DIP2A: variants seen among roughly 807,000 people sequenced by gnomAD.
DIP2A encodes the protein disco-interacting protein 2 homolog A.
In DIP2A, 85 loss-of-function variants were observed where a neutral mutation model predicts 177.4. The ratio of observed to expected loss-of-function variants is 0.48; its 90% confidence interval spans 0.40 to 0.57. DIP2A has a LOEUF of 0.57. DIP2A is among the 20% of genes least tolerant of loss of function. DIP2A has a pLI of 0.00. For synonymous variants in DIP2A, 886 were observed against 881.8 expected, an observed-to-expected ratio of 1.00 and a Z score of -0.08; for missense variants, 1,791 against 2,100.2, an observed-to-expected ratio of 0.85 and a Z score of 2.88.
chr21:46,543,431 T>A (rs1418538834), intron 18 of DIP2A, among the ~76,000 whole-genome samples: 1 of 151,426 alleles, frequency 6.6e-6, no homozygotes. Flanking sequence ...GCAGCACACC[T>A]CCTCCCCCGG....
Position 46,556,183 on chromosome 21 carries a change from CCTT to C in DIP2A, c.3498+96_3498+98del, listed in dbSNP as rs1194577298. 1.6e-5 allele frequency: 22 copies of C among 1,395,264 alleles called. No homozygotes were observed. In the Admixed American group the frequency reaches 1.6e-4, roughly 10 times the overall value. The allele number at this position is 1,395,264 out of a possible 1,614,324, so 86.4% of individuals were successfully genotyped here. ...CAGATGCAGATTTAAACTGACAGGT[CCTT>C]CTTATGCAAAGCACAAAGCAACAAT... On this transcript the variant is annotated intron_variant, in intron 29 of 37. Coordinates refer to ENST00000417564, the MANE Select transcript of DIP2A (RefSeq NM_015151.4). The surrounding 1 kb of genome is among the most constrained non-coding windows in gnomAD (Gnocchi z 4.5).
the DIP2A span, among the ~76,000 whole-genome samples, chr21:46,581,172 G>T: frequency 1.3e-5 from 2 of 151,934 alleles, no homozygotes; most frequent in Admixed American, 6.6e-5. Context: ...AATCTTGTCT[G>T]CCTGTCTTAT....
intron 20 of DIP2A, chr21:46,546,329 C>T: frequency 9.6e-7 from 1 of 1,038,330 alleles, no homozygotes; most frequent in Non-Finnish European, 1.2e-6. Flanking sequence ...GTGTTTCTCT[C>T]AACTGGGCAA....
At chr21:46,477,239 A>G (rs1205512710) in intron 1 of DIP2A, among the ~76,000 whole-genome samples, 1 of 152,068 alleles carries the variant, frequency 6.6e-6, no homozygotes, top group African/African-American at 2.4e-5. Context: ...TATCAAAACT[A>G]AAGATTTATA....
intron 1 of DIP2A, among the ~76,000 whole-genome samples, chr21:46,459,470 A>AC: frequency 8.9e-6 from 1 of 112,276 alleles, no homozygotes; most frequent in Admixed American, 9.4e-5. Flanking sequence ...CTCATGTGGG[A>AC]CCCCAGCACG....
At chr21:46,471,791 T>C (rs1004244542) in intron 1 of DIP2A, among the ~76,000 whole-genome samples, 2 of 152,216 alleles carry the variant, frequency 1.3e-5, no homozygotes, top group Non-Finnish European at 2.9e-5. Flanking sequence ...GCTAAAATTA[T>C]AGCTGGGAGA....
intron 1 of DIP2A, among the ~76,000 whole-genome samples, chr21:46,482,391 C>T (rs979984358): frequency 3.9e-5 from 6 of 152,190 alleles, no homozygotes; most frequent in South Asian, 2.1e-4. Flanking sequence ...ACATTACTCA[C>T]GTGTTTGTGG....
In DIP2A at chr21:46,484,758, T is replaced by G; in HGVS notation, c.93T>G (p.Gly31=). 1.3e-6 allele frequency: 2 copies of G among 1,566,904 alleles called. No individual in the cohort carries two copies. The highest frequency in any genetic ancestry group is 1.7e-6 in the Non-Finnish European group (2 of 1,157,016). Residue 31 remains glycine (G), a splice_region_variant and synonymous_variant, in exon 2 of 38, where the codon GGT becomes GGG. Coordinates refer to ENST00000417564, the MANE Select transcript of DIP2A (RefSeq NM_015151.4). The part of the protein sequence containing the change: ...LAELELELSE[G]DITQKGYEKK... Reference sequence around the variant, plus strand: ...TTCTTTTTTCCATTGTTGTTTTAGGTGACATCACTCAAAAAGGATATGAAA... The same window carrying G: ...TTCTTTTTTCCATTGTTGTTTTAGGGGACATCACTCAAAAAGGATATGAAA...
intron 6 of DIP2A, among the ~76,000 whole-genome samples, chr21:46,506,673 G>A (rs1358880206): frequency 6.6e-6 from 1 of 151,196 alleles, no homozygotes; most frequent in African/African-American, 2.4e-5. Context: ...TCTCTTGAGG[G>A]AAAGTATCTG....
At chr21:46,470,596 C>T (rs2055276149) in intron 1 of DIP2A, among the ~76,000 whole-genome samples, 1 of 151,786 alleles carries the variant, frequency 6.6e-6, no homozygotes, top group Non-Finnish European at 1.5e-5. Context: ...TATGGTGAAA[C>T]CGTGTTTCTA....
At chr21:46,488,460 T>G (rs2056818330) in intron 2 of DIP2A, among the ~76,000 whole-genome samples, 1 of 152,182 alleles carries the variant, frequency 6.6e-6, no homozygotes, top group Non-Finnish European at 1.5e-5. Flanking sequence ...GCTCTGTATG[T>G]GTACACAGTT....
At chr21:46,521,368 T>C (rs2058816653) in intron 8 of DIP2A, among the ~76,000 whole-genome samples, 1 of 152,166 alleles carries the variant, frequency 6.6e-6, no homozygotes. Context: ...TTTGTATTTT[T>C]AGTAGAGACC....
rs528670931 is a variant in DIP2A at position 46,463,551 on chromosome 21, T to C, written c.91+4329T>C. Among the ~76,000 whole-genome samples the C allele has an allele frequency of 1.5e-3, 233 of 152,274 alleles. 1 individual carries two copies. The South Asian group carries it at 0.021, about 14-fold the overall frequency. The stretch of plus-strand genomic sequence containing the variant: ...TTCTTGATTTCTTATATTCTAACAA[T>C]GCAGGACTTCTAGTCTAGATGGAAT... On this transcript the variant is annotated intron_variant, in intron 1 of 37. Coordinates refer to ENST00000417564, the MANE Select transcript of DIP2A (RefSeq NM_015151.4).
Position 46,551,707 on chromosome 21 carries a change from G to C in DIP2A, c.2913G>C (p.Glu971Asp), listed in dbSNP as rs753699826. Reference sequence around the variant, plus strand: ...GAATCGCTCAGGCTTCCGGGAGAGAGCTCGCCCACCTGGAGGACAGCGACC... The same window carrying C: ...GAATCGCTCAGGCTTCCGGGAGAGACCTCGCCCACCTGGAGGACAGCGACC... ...GKRIAQASGR[E>D]LAHLEDSDQA... The change falls in exon 24 of 38, where the codon GAG becomes GAC. Residue 971 changes from glutamate (E) to aspartate (D), a missense_variant. By Grantham distance (45) the Glu-to-Asp change is conservative. Coordinates refer to ENST00000417564, the MANE Select transcript of DIP2A (RefSeq NM_015151.4). 9.3e-6 allele frequency: 15 copies of C among 1,613,866 alleles called. No homozygotes were observed. The highest frequency in any genetic ancestry group is 1.1e-5 in the Non-Finnish European group (13 of 1,179,894).
chr21:46,515,258 A>G (rs1028034580), intron 8 of DIP2A, among the ~76,000 whole-genome samples: 2 of 152,202 alleles, frequency 1.3e-5, no homozygotes, highest in Non-Finnish European at 2.9e-5. Flanking sequence ...TTCTGTTAGC[A>G]TGGACTTTCC....
chr21:46,554,786 G>GGGGGGGGGGGCCCC, intron 27 of DIP2A, 36 bp from the exon 28 acceptor site: 5 of 1,519,040 alleles, frequency 3.3e-6, no homozygotes, highest in South Asian at 1.2e-5. Context: ...AGCTTGAGAG[G>GGGGGGGGGGGCCCC]CCCCGCCCAC....
rs61370008 is a variant in DIP2A, at chr21:46,523,393, A to ATTTTTTTTTTTTTTTT, written c.1103-5689_1103-5674dup. Among the ~76,000 whole-genome samples the ATTTTTTTTTTTTTTTT allele has an allele frequency of 2.6e-4, 23 of 89,894 alleles. 1 individual carries two copies. The highest frequency in any genetic ancestry group is 4.2e-4 in the African/African-American group (9 of 21,356). The allele number at this position is 89,894 out of a possible 152,430, so 59.0% of individuals were successfully genotyped here. ...AGGATTACAGGCGTGCGCCTGGCTA[A>ATTTTTTTTTTTTTTTT]TTTTTTTTTTTTTTTTTTTTTTTTT... is the stretch of plus-strand genomic sequence containing the variant. On this transcript the variant is annotated intron_variant, in intron 8 of 37. Transcript: ENST00000417564.
chr21:46,527,439 C>T lies in DIP2A; in HGVS notation c.1103-1653C>T, dbSNP rs541615355. Reference sequence around the variant, plus strand: ...CTCCTGGGTTCAAGCAGTTCTCCTGCCTCGGCCTCCTGAGTAGTTGGGATT... The same window carrying T: ...CTCCTGGGTTCAAGCAGTTCTCCTGTCTCGGCCTCCTGAGTAGTTGGGATT... On this transcript the variant is annotated intron_variant, in intron 8 of 37. Coordinates refer to ENST00000417564, the MANE Select transcript of DIP2A (RefSeq NM_015151.4). 2.0e-5 allele frequency among the ~76,000 whole-genome samples: 3 copies of T among 150,098 alleles called. No individual in the cohort carries two copies. In the South Asian group the frequency reaches 6.3e-4, roughly 32 times the overall value.
intron 25 of DIP2A, chr21:46,553,928 CT>C (rs34670829): frequency 0.29 from 102,749 of 349,072 alleles, 15,645 homozygotes; most frequent in Admixed American, 0.34. Flanking sequence ...CTTTGAGAGG[CT>C]GAGGCGGGCA....
Sources: gnomAD v4.1 joint callset for allele counts (sites outside exome capture counted in the v4.1 genomes callset) on GRCh38, gnomAD v4.1.1 for gene constraint, Gnocchi (gnomAD v3.1) non-coding constraint, MANE v1.5 for transcripts, NCBI Gene and HGNC (gene_info 2026-07-23, HGNC 2026-07-21) for gene names.